PSD3: variants seen among roughly 807,000 people sequenced by gnomAD.
PSD3 encodes pleckstrin and Sec7 domain containing 3.
Under a neutral mutation model 105.5 loss-of-function variants are expected in PSD3, and 49 were observed. The observed-to-expected ratio is 0.46, with a 90% CI of 0.37 to 0.59. The LOEUF (loss-of-function observed/expected upper bound fraction) is 0.59. Among genes scored for constraint, PSD3 ranks in the 20% least tolerant of loss-of-function variants. PSD3 has a pLI of 0.00. For missense variants in PSD3, 1,561 were observed against 1,263.8 expected (o/e 1.24, Z -3.57); for synonymous variants, 557 against 457.8 (o/e 1.22, Z -2.77).
intron 9 of PSD3, among the ~76,000 whole-genome samples, chr8:18,671,964 C>A (rs1232386017): frequency 6.6e-6 from 1 of 152,092 alleles, no homozygotes; most frequent in Admixed American, 6.5e-5. Context: ...CCCTGATCCT[C>A]TGAAACTGTA....
At chr8:19,068,832 A>C (rs1195543826) in intron 1 of PSD3, among the ~76,000 whole-genome samples, 1 of 151,590 alleles carries the variant, frequency 6.6e-6, no homozygotes, top group East Asian at 1.9e-4. Flanking sequence ...GGCCATCTGC[A>C]GTTGGGCTGG....
chr8:18,935,887 CATCTTGGGA>C, intron 2 of PSD3, 138 bp downstream of exon 2: 1 of 558,034 alleles, frequency 1.8e-6, no homozygotes, highest in East Asian at 2.7e-5. Flanking sequence ...GCGGATTCTA[CATCTTGGGA>C]AGATTGTTTT....
chr8:18,784,014 C>G (rs1000478448), intron 8 of PSD3, among the ~76,000 whole-genome samples: 1 of 152,158 alleles, frequency 6.6e-6, no homozygotes, highest in African/African-American at 2.4e-5. Context: ...TATTGTATGA[C>G]TACATAAATG....
At chr8:18,991,018 C>T (rs762631401) in intron 1 of PSD3, among the ~76,000 whole-genome samples, 1 of 152,088 alleles carries the variant, frequency 6.6e-6, no homozygotes, top group Non-Finnish European at 1.5e-5. Flanking sequence ...GATACTTCAG[C>T]CCCAGGAAAG....
At chr8:18,672,669 T>C (rs114709368) in intron 9 of PSD3, among the ~76,000 whole-genome samples, 4,157 of 152,284 alleles carry the variant, frequency 0.027, 190 homozygotes, top group African/African-American at 0.093. Context: ...TAAAAATAAG[T>C]TGCATGGACA....
chr8:18,950,187 A>T (rs1297611682), intron 1 of PSD3, among the ~76,000 whole-genome samples: 3 of 152,220 alleles, frequency 2.0e-5, no homozygotes, highest in Admixed American at 2.0e-4. Flanking sequence ...TTTATTTGTA[A>T]TGAATATTCA....
intron 11 of PSD3, among the ~76,000 whole-genome samples, chr8:18,632,122 G>A (rs962163593): frequency 1.3e-5 from 2 of 151,934 alleles, no homozygotes; most frequent in African/African-American, 4.8e-5. Context: ...CATCTCACCT[G>A]TCCACCTTCT....
chr8:19,028,446 AC>A, intron 1 of PSD3, among the ~76,000 whole-genome samples: 1 of 151,806 alleles, frequency 6.6e-6, no homozygotes, highest in Non-Finnish European at 1.5e-5. Flanking sequence ...TCAAGCTATC[AC>A]TGGGCTCAAG....
intron 2 of PSD3, among the ~76,000 whole-genome samples, chr8:18,925,459 G>A (rs1821301958): frequency 6.6e-6 from 1 of 151,742 alleles, no homozygotes; most frequent in Non-Finnish European, 1.5e-5. Context: ...TTGGAAAAAT[G>A]TTAAAAAATG....
At chr8:18,700,245 C>T (rs577844492) in intron 9 of PSD3, among the ~76,000 whole-genome samples, 2 of 152,216 alleles carry the variant, frequency 1.3e-5, no homozygotes, top group South Asian at 2.1e-4. Flanking sequence ...TAAAAACAGA[C>T]CTCCTAATCA....
intron 8 of PSD3, among the ~76,000 whole-genome samples, chr8:18,793,101 C>T (rs1809876508): frequency 6.6e-6 from 1 of 152,122 alleles, no homozygotes; most frequent in African/African-American, 2.4e-5. Flanking sequence ...CGCATGTTCT[C>T]ACTCATAGGT....
At chr8:18,635,975 G>A (rs1472835888) in intron 10 of PSD3, among the ~76,000 whole-genome samples, 1 of 152,092 alleles carries the variant, frequency 6.6e-6, no homozygotes, top group Non-Finnish European at 1.5e-5. Context: ...GGTTTGATAG[G>A]TGCAGCAAAC....
intron 13 of PSD3, among the ~76,000 whole-genome samples, chr8:18,574,923 T>C (rs1563337430): frequency 6.6e-6 from 1 of 152,134 alleles, no homozygotes; most frequent in Non-Finnish European, 1.5e-5. Context: ...AAAGGGCTAC[T>C]TTGTAACAGG....
chr8:19,024,890 G>A (rs1202145952), intron 1 of PSD3, among the ~76,000 whole-genome samples: 3 of 152,056 alleles, frequency 2.0e-5, no homozygotes, highest in South Asian at 2.1e-4. Context: ...CCGAGTTGTA[G>A]CTTTTATAAT....
intron 4 of PSD3, among the ~76,000 whole-genome samples, chr8:18,831,514 G>C (rs1253001205): frequency 6.6e-6 from 1 of 152,168 alleles, no homozygotes; most frequent in Non-Finnish European, 1.5e-5. Flanking sequence ...CCGAGGTCCG[G>C]AGTTTGAGAG....
intron 2 of PSD3, among the ~76,000 whole-genome samples, chr8:18,879,836 G>T (rs1055054044): frequency 1.7e-4 from 1 of 5,824 alleles, no homozygotes; most frequent in Non-Finnish European, 2.7e-4. Flanking sequence ...GGGCTCAAGT[G>T]ATCCTCCCAC....
At chr8:18,851,089 A>C (rs544176168) in intron 4 of PSD3, among the ~76,000 whole-genome samples, 1 of 152,324 alleles carries the variant, frequency 6.6e-6, no homozygotes, top group South Asian at 2.1e-4. Flanking sequence ...AACAGGTAAG[A>C]GGAATAAGCC....
At chr8:18,935,112 G>T in intron 2 of PSD3, among the ~76,000 whole-genome samples, 1 of 152,092 alleles carries the variant, frequency 6.6e-6, no homozygotes. Flanking sequence ...GTGATGATTA[G>T]CATAGTGCCT....
intron 1 of PSD3, among the ~76,000 whole-genome samples, chr8:18,953,250 G>T (rs1305173719): frequency 2.0e-5 from 3 of 152,080 alleles, no homozygotes; most frequent in Non-Finnish European, 1.5e-5. Flanking sequence ...CTCCTGGTTG[G>T]GGTATAAATT....
Sources: gnomAD v4.1 joint callset for allele counts (sites outside exome capture counted in the v4.1 genomes callset) on GRCh38, gnomAD v4.1.1 for gene constraint, MANE v1.5 for transcripts, NCBI Gene and HGNC (gene_info 2026-07-23, HGNC 2026-07-21) for gene names.